The following MEI4 variants were observed in gnomAD, a reference collection of about 807,000 sequenced individuals.
The protein encoded by MEI4 is meiotic double-stranded break formation protein 4.
A neutral mutation model predicts 31.4 loss-of-function variants in MEI4; 27 were observed. The ratio of observed to expected loss-of-function variants is 0.86; its 90% CI spans 0.63 to 1.19. The LOEUF (loss-of-function observed/expected upper bound fraction) is 1.19. Ranked by LOEUF, MEI4 falls within the 50% of genes most tolerant of loss-of-function variation. The pLI is 0.00. For synonymous variants in MEI4, 122 were observed against 145.4 expected (o/e 0.84, Z 1.16); for missense variants, 329 against 398.9 (o/e 0.82, Z 1.49).
chr6:77,926,276 TC>T lies in MEI4; in HGVS notation c.*2931del, dbSNP rs1766842305. 1 of 151,980 alleles carries T rather than the reference TC, an allele frequency of 6.6e-6. No individual in the cohort carries two copies. The highest frequency in any genetic ancestry group is 2.1e-4 in the South Asian group (1 of 4,834). The allele number at this position is 151,980 out of a possible 1,614,324, so 9.4% of individuals were successfully genotyped here. A position where few individuals can be genotyped will look rare whatever the true frequency, so the allele number is the denominator to read the frequency against. Reference sequence around the variant, plus strand: ...TAATTGCTGTAAACAAGTTGTCCTATCTATAAGTAAACCAGAGGAACAGCAT... The same window carrying T: ...TAATTGCTGTAAACAAGTTGTCCTATTATAAGTAAACCAGAGGAACAGCAT... On this transcript the variant is annotated 3_prime_UTR_variant, in exon 5 of 5. Transcript: ENST00000684080.
intron 3 of MEI4, among the ~76,000 whole-genome samples, chr6:77,775,515 C>T (rs1768417612): frequency 6.6e-6 from 1 of 152,106 alleles, no homozygotes. Context: ...GCCATTATTT[C>T]ATTCCTTTTT....
chr6:77,818,154 T>C (rs1769731767), intron 3 of MEI4, among the ~76,000 whole-genome samples: 1 of 152,190 alleles, frequency 6.6e-6, no homozygotes, highest in African/African-American at 2.4e-5. Flanking sequence ...TCTGAAAAAC[T>C]TACATTGCTG....
chr6:77,707,919 G>T (rs13203477), intron 2 of MEI4, among the ~76,000 whole-genome samples: 1 of 152,218 alleles, frequency 6.6e-6, no homozygotes, highest in African/African-American at 2.4e-5. Flanking sequence ...CCTTCACCTA[G>T]ATTTCAAAGG....
At chr6:77,873,435 A>G (rs2127726094) in intron 4 of MEI4, among the ~76,000 whole-genome samples, 1 of 152,164 alleles carries the variant, frequency 6.6e-6, no homozygotes, top group African/African-American at 2.4e-5. Context: ...TCCTTTGCCC[A>G]CTTTTTGATG....
At chr6:77,680,817 AT>A (rs1768943194) in intron 1 of MEI4, among the ~76,000 whole-genome samples, 1 of 152,180 alleles carries the variant, frequency 6.6e-6, no homozygotes, top group Non-Finnish European at 1.5e-5. Flanking sequence ...GCTGTCTGAA[AT>A]TTGTGGTGTT....
intron 4 of MEI4, among the ~76,000 whole-genome samples, chr6:77,889,418 G>A (rs1353550614): frequency 6.6e-6 from 1 of 152,152 alleles, no homozygotes; most frequent in African/African-American, 2.4e-5. Context: ...CAAAGAGACT[G>A]GCAGCATTTT....
At chr6:77,745,232 G>C (rs9448196) in intron 2 of MEI4, among the ~76,000 whole-genome samples, 1 of 152,088 alleles carries the variant, frequency 6.6e-6, no homozygotes, top group Non-Finnish European at 1.5e-5. Context: ...CCCATCTCAC[G>C]TGCAGAGACA....
chr6:77,768,638 T>G (rs1406231419), intron 3 of MEI4, among the ~76,000 whole-genome samples: 1 of 151,030 alleles, frequency 6.6e-6, no homozygotes, highest in East Asian at 2.0e-4. Flanking sequence ...AGGCAGAGGT[T>G]GCAGTGAGCT....
chr6:77,655,805 T>G (rs1385198298), intron 1 of MEI4, among the ~76,000 whole-genome samples: 1 of 152,190 alleles, frequency 6.6e-6, no homozygotes, highest in African/African-American at 2.4e-5. Flanking sequence ...TATCTTGTTC[T>G]GAGATTTTTT....
At chr6:77,653,861 G>T (rs1446331085) in intron 1 of MEI4, among the ~76,000 whole-genome samples, 3 of 152,040 alleles carry the variant, frequency 2.0e-5, no homozygotes, top group African/African-American at 7.2e-5. Flanking sequence ...CCCATCATAT[G>T]GTTTGTAACT....
At chr6:77,693,770 A>G (rs1468006264) in intron 2 of MEI4, among the ~76,000 whole-genome samples, 2 of 152,150 alleles carry the variant, frequency 1.3e-5, no homozygotes, top group Non-Finnish European at 2.9e-5. Context: ...TAAGGATGAC[A>G]TGAAATAGTG....
intron 3 of MEI4, among the ~76,000 whole-genome samples, chr6:77,794,790 A>AT (rs1445603274): frequency 6.6e-6 from 1 of 152,072 alleles, no homozygotes; most frequent in Non-Finnish European, 1.5e-5. Context: ...CAGAATACAC[A>AT]TTTTTTCAAG....
intron 4 of MEI4, among the ~76,000 whole-genome samples, chr6:77,875,575 ATTTGT>A: frequency 6.6e-6 from 1 of 152,194 alleles, no homozygotes; most frequent in South Asian, 2.1e-4. Flanking sequence ...ATTGCTAGTG[ATTTGT>A]CAGCATTCAA....
chr6:77,866,531 A>G (rs1347510969), intron 4 of MEI4, among the ~76,000 whole-genome samples: 1 of 152,222 alleles, frequency 6.6e-6, no homozygotes, highest in African/African-American at 2.4e-5. Context: ...GATGTGAAGG[A>G]CCTCTTGAAG....
intron 2 of MEI4, among the ~76,000 whole-genome samples, chr6:77,749,094 A>T (rs149761952): frequency 6.6e-6 from 1 of 152,302 alleles, no homozygotes; most frequent in East Asian, 1.9e-4. Flanking sequence ...AAAGATGCCC[A>T]CTCAGAGACC....
chr6:77,667,045 T>C (rs1342089706), intron 1 of MEI4, among the ~76,000 whole-genome samples: 1 of 152,164 alleles, frequency 6.6e-6, no homozygotes, highest in Non-Finnish European at 1.5e-5. Context: ...GGAAATAATA[T>C]GTAAAGAAAG....
intron 4 of MEI4, among the ~76,000 whole-genome samples, chr6:77,880,290 G>A (rs1021216476): frequency 1.3e-5 from 2 of 151,156 alleles, no homozygotes; most frequent in Non-Finnish European, 2.9e-5. Context: ...GAGTGCAGTG[G>A]CACGATCTTG....
intron 4 of MEI4, among the ~76,000 whole-genome samples, chr6:77,879,263 G>T (rs6454015): frequency 0.39 from 58,873 of 151,918 alleles, 12,383 homozygotes; most frequent in African/African-American, 0.57. Flanking sequence ...GTGAAAGTTT[G>T]AGTATTAACC....
At chr6:77,852,986 G>C (rs1770664932) in intron 4 of MEI4, among the ~76,000 whole-genome samples, 1 of 152,090 alleles carries the variant, frequency 6.6e-6, no homozygotes, top group Non-Finnish European at 1.5e-5. Context: ...ATCACCTGAG[G>C]TCGGGAGTTT....
Sources: allele counts gnomAD v4.1 joint callset (sites outside exome capture counted in the v4.1 genomes callset), GRCh38; gene constraint gnomAD v4.1.1; transcripts MANE v1.5; gene names NCBI Gene and HGNC (gene_info 2026-07-23, HGNC 2026-07-21).